Variants in DYTN observed in about 807,000 individuals in gnomAD.
The protein encoded by DYTN is dystrotelin.
Under a neutral mutation model 69.6 loss-of-function variants are expected in DYTN, and 75 were observed. The observed-to-expected ratio is 1.08, with a 90% CI of 0.89 to 1.31. The LOEUF (loss-of-function observed/expected upper bound fraction) is 1.31, where lower values mean the gene tolerates loss of function less well. DYTN is among the 50% of genes most tolerant of loss of function. The pLI is 0.00. For synonymous variants in DYTN, 252 were observed against 249.1 expected, an observed-to-expected ratio of 1.01 and a Z score of -0.11; for missense variants, 726 against 688.4, an observed-to-expected ratio of 1.05 and a Z score of -0.61.
At chr2:206,715,092 G>A (rs774537980) in intron 1 of DYTN, among the ~76,000 whole-genome samples, 3 of 152,310 alleles carry the variant, frequency 2.0e-5, no homozygotes, top group South Asian at 2.1e-4. Context: ...GGATGGATAA[G>A]ATGCTGAGCT....
intron 11 of DYTN, among the ~76,000 whole-genome samples, 166 bp from the exon 12 acceptor site, chr2:206,652,087 C>T (rs755066654): frequency 1.3e-5 from 2 of 152,190 alleles, no homozygotes; most frequent in Non-Finnish European, 2.9e-5. Flanking sequence ...TTATTTACCA[C>T]GATCATTACT....
At chr2:206,690,524 G>A (rs187865765) in intron 9 of DYTN, among the ~76,000 whole-genome samples, 1 of 152,314 alleles carries the variant, frequency 6.6e-6, no homozygotes, top group East Asian at 1.9e-4. Flanking sequence ...GAGGAAGCAG[G>A]GGAACCAGTT....
rs148349579 is a variant in DYTN, at chr2:206,696,226, C to A, written c.720-1349G>T. Among the ~76,000 whole-genome samples the A allele has an allele frequency of 2.9e-4, 44 of 152,198 alleles. 1 individual carries two copies. The East Asian group carries it at 7.1e-3, about 25-fold the overall frequency. On this transcript the variant is annotated intron_variant, in intron 7 of 11. Transcript: ENST00000452335. Reference sequence around the variant, plus strand: ...AGAAAGAAGAGAAGGAATAAGGTAACGAAGATTGGGATGAGTAAGAAGGGT... The same window carrying A: ...AGAAAGAAGAGAAGGAATAAGGTAAAGAAGATTGGGATGAGTAAGAAGGGT...
intron 9 of DYTN, among the ~76,000 whole-genome samples, chr2:206,675,341 T>A (rs966184555): frequency 8.7e-5 from 13 of 148,590 alleles, no homozygotes; most frequent in South Asian, 4.2e-4. Flanking sequence ...ATATATATAT[T>A]TTTTTCAGAT....
chr2:206,672,949 G>T (rs1012525), intron 9 of DYTN, among the ~76,000 whole-genome samples: 13,365 of 152,132 alleles, frequency 0.088, 736 homozygotes, highest in East Asian at 0.17. Flanking sequence ...TGAGTTCAGG[G>T]GTACATGTGC....
At position 206,695,115 on chromosome 2, in the gene DYTN, G is replaced by A. The variant is rs554996476; in HGVS notation, c.720-238C>T. On this transcript the variant is annotated intron_variant, in intron 7 of 11. Coordinates refer to ENST00000452335, the MANE Select transcript of DYTN (RefSeq NM_001093730.1). ...ATGGCATTATATTAATGCCATATAC[G>A]CTATGGTATAGAAGTCTGATTTATT... is the stretch of plus-strand genomic sequence containing the variant. 2.0e-5 allele frequency among the ~76,000 whole-genome samples: 3 copies of A among 152,214 alleles called. 1 individual carries two copies. The highest frequency in any genetic ancestry group is 2.1e-4 in the South Asian group (1 of 4,818).
chr2:206,707,631 T>A, intron 2 of DYTN, 128 bp from the exon 3 acceptor site: 1 of 862,112 alleles, frequency 1.2e-6, no homozygotes, highest in Non-Finnish European at 1.8e-6. Context: ...TTAAGGGGAA[T>A]GAAATATGAC....
chr2:206,653,225 C>A (rs1462851640), intron 11 of DYTN, among the ~76,000 whole-genome samples: 1 of 152,090 alleles, frequency 6.6e-6, no homozygotes, highest in East Asian at 1.9e-4. Flanking sequence ...TAAAATATAG[C>A]AATAAATAAA....
At chr2:206,691,243 T>C (rs372224525) in intron 9 of DYTN, among the ~76,000 whole-genome samples, 1 of 152,088 alleles carries the variant, frequency 6.6e-6, no homozygotes. Flanking sequence ...TGAAACCCCG[T>C]CTCTACTAAA....
At chr2:206,656,496 G>A (rs1481081768) in intron 11 of DYTN, among the ~76,000 whole-genome samples, 1 of 152,054 alleles carries the variant, frequency 6.6e-6, no homozygotes, top group Non-Finnish European at 1.5e-5. Context: ...ATTATTGATA[G>A]GGGAGGACAA....
chr2:206,671,312 G>T (rs914305233), intron 9 of DYTN, among the ~76,000 whole-genome samples: 14 of 152,188 alleles, frequency 9.2e-5, no homozygotes, highest in African/African-American at 3.1e-4. Context: ...CACAGGAACA[G>T]CCTGAAAAAG....
intron 9 of DYTN, among the ~76,000 whole-genome samples, chr2:206,691,391 C>T (rs558941826): frequency 2.4e-4 from 36 of 152,028 alleles, no homozygotes; most frequent in African/African-American, 8.0e-4. Context: ...CCAACCTGAG[C>T]ATCACAGCAA....
chr2:206,659,329 G>A (rs893219353), intron 11 of DYTN, among the ~76,000 whole-genome samples: 61 of 150,934 alleles, frequency 4.0e-4, no homozygotes, highest in Non-Finnish European at 7.1e-4. Context: ...CAGCCACCAC[G>A]CCCGGCTAAT....
intron 11 of DYTN, among the ~76,000 whole-genome samples, chr2:206,652,839 G>T (rs1699403404): frequency 6.6e-6 from 1 of 152,126 alleles, no homozygotes; most frequent in African/African-American, 2.4e-5. Flanking sequence ...AAAACAGGTG[G>T]GAGAGAGTGA....
At chr2:206,706,912 A>C (rs947932386) in intron 3 of DYTN, among the ~76,000 whole-genome samples, 2 of 152,054 alleles carry the variant, frequency 1.3e-5, no homozygotes, top group African/African-American at 4.8e-5. Flanking sequence ...AAAAAAAAAA[A>C]AAAACAATTG....
At chr2:206,708,003 A>G (rs1200134084) in intron 2 of DYTN, among the ~76,000 whole-genome samples, 1 of 152,178 alleles carries the variant, frequency 6.6e-6, no homozygotes, top group African/African-American at 2.4e-5. Flanking sequence ...CAAAACAGTG[A>G]TCTTCATAAA....
At position 206,693,077 on chromosome 2, in the gene DYTN, G is replaced by A. The variant is rs1020757086; in HGVS notation, c.980+98C>T. 3 of 1,446,232 alleles carry A rather than the reference G, an allele frequency of 2.1e-6. No individual in the cohort carries two copies. In the African/African-American group the frequency reaches 4.3e-5, roughly 21 times the overall value. 89.6% of individuals were successfully genotyped at this position (1,446,232 alleles called of 1,614,324 possible). A position where few individuals can be genotyped will look rare whatever the true frequency, so the allele number is the denominator to read the frequency against. ...CTCACCCCTCCTCCTGCCTTGTCTA[G>A]GATCTTCAGCATTAGAAAGATTGCT... On this transcript the variant is annotated intron_variant, in intron 9 of 11. Coordinates refer to ENST00000452335, the MANE Select transcript of DYTN (RefSeq NM_001093730.1).
At chr2:206,677,697 A>G (rs575771392) in intron 9 of DYTN, among the ~76,000 whole-genome samples, 3 of 152,324 alleles carry the variant, frequency 2.0e-5, no homozygotes, top group Admixed American at 2.0e-4. Context: ...AAAGAGACTG[A>G]TAATGTTTTT....
chr2:206,665,806 G>T (rs955391112), intron 10 of DYTN, 64 bp downstream of exon 10: 2 of 1,567,022 alleles, frequency 1.3e-6, no homozygotes, highest in Non-Finnish European at 8.7e-7. Context: ...TCCTCCCTTG[G>T]CTGAAGGACT....
Sources: gnomAD v4.1 joint callset for allele counts (sites outside exome capture counted in the v4.1 genomes callset) on GRCh38, gnomAD v4.1.1 for gene constraint, MANE v1.5 for transcripts, NCBI Gene and HGNC (gene_info 2026-07-23, HGNC 2026-07-21) for gene names.